Variants in C9 observed in about 807,000 individuals in gnomAD.
C9 encodes the protein complement component C9.
C9 carries 63 observed loss-of-function variants against 65.4 expected under a neutral mutation model. That is an observed-to-expected ratio of 0.96 (90% CI 0.79 to 1.19). The LOEUF (loss-of-function observed/expected upper bound fraction) is 1.19, where lower values mean the gene tolerates loss of function less well. Ranked by LOEUF, C9 falls within the 50% of genes most tolerant of loss-of-function variation. C9 has a pLI of 0.00. For synonymous variants in C9, 229 were observed against 227.9 expected (o/e 1.00, Z -0.04); for missense variants, 744 against 670.1 (o/e 1.11, Z -1.22).
At chr5:39,343,838 C>T (rs1001972114) in intron 1 of C9, among the ~76,000 whole-genome samples, 4 of 152,080 alleles carry the variant, frequency 2.6e-5, no homozygotes, top group South Asian at 2.1e-4. Context: ...TCCAGAGGAA[C>T]GATCAAGCAG....
intron 1 of C9, among the ~76,000 whole-genome samples, chr5:39,351,972 T>C (rs1251152752): frequency 6.6e-6 from 1 of 152,166 alleles, no homozygotes; most frequent in Non-Finnish European, 1.5e-5. Flanking sequence ...AAGAACTACC[T>C]GAGACTGGGT....
At chr5:39,337,289 T>C (rs368694763) in intron 4 of C9, among the ~76,000 whole-genome samples, 8 of 152,296 alleles carry the variant, frequency 5.3e-5, no homozygotes, top group African/African-American at 1.9e-4. Flanking sequence ...AGTTTGAAGG[T>C]TATTGTTTTA....
rs530392152 is a variant in C9 at position 39,285,498 on chromosome 5, C to T, written c.1646-265G>A. Among the ~76,000 whole-genome samples the T allele has an allele frequency of 9.9e-5, 15 of 152,074 alleles. No homozygotes were observed. In the South Asian group the frequency reaches 2.9e-3, roughly 29 times the overall value. The stretch of plus-strand genomic sequence containing the variant: ...AGGCAGCATAGATAGAGAACTGATT[C>T]CTGGAGAAATTGGAGAAGGTTTCAT... On this transcript the variant is annotated intron_variant, in intron 10 of 10. Transcript: ENST00000263408.
intron 6 of C9, among the ~76,000 whole-genome samples, chr5:39,313,597 C>T (rs778006247): frequency 6.6e-5 from 10 of 152,142 alleles, no homozygotes; most frequent in African/African-American, 2.4e-4. Context: ...AGCCTCCCAG[C>T]GATGCTGATG....
chr5:39,331,753 G>A lies in C9; in HGVS notation c.538C>T (p.Leu180Phe), dbSNP rs771650289. The A allele has an allele frequency of 1.2e-6, 2 of 1,612,698 alleles. No individual in the cohort carries two copies. Among genetic ancestry groups the A allele is most frequent in the Non-Finnish European group, 1.7e-6 (2 of 1,178,678 alleles). ...TTTCCATCCCGATCCCGGTTACAGA[G>A]TCCATTGTAGAACTCATTGTCAAAA... ...TPFDNEFYNG[L>F]CNRDRDGNTL... Residue 180 changes from leucine (L) to phenylalanine (F), a missense_variant, in exon 5 of 11, where the codon CTC becomes TTC. Transcript: ENST00000263408.
intron 9 of C9, 134 bp downstream of exon 9, chr5:39,306,483 T>G (rs934210794): frequency 4.0e-6 from 3 of 758,358 alleles, no homozygotes; most frequent in Non-Finnish European, 6.7e-6. Flanking sequence ...CCATGCCTCC[T>G]TTTGGGGAAG....
At chr5:39,323,600 A>C (rs1753700823) in intron 5 of C9, among the ~76,000 whole-genome samples, 1 of 151,666 alleles carries the variant, frequency 6.6e-6, no homozygotes, top group African/African-American at 2.4e-5. Context: ...TAGAAAAAGC[A>C]GTCAATAAAA....
chr5:39,342,388 G>T (rs1223998204), intron 1 of C9, among the ~76,000 whole-genome samples, 192 bp from the exon 2 acceptor site: 1 of 151,708 alleles, frequency 6.6e-6, no homozygotes, highest in Non-Finnish European at 1.5e-5. Flanking sequence ...GTTAATTCTT[G>T]TCTGTATTGT....
At chr5:39,339,011 T>C (rs570956536) in intron 4 of C9, among the ~76,000 whole-genome samples, 45 of 152,190 alleles carry the variant, frequency 3.0e-4, no homozygotes, top group Non-Finnish European at 6.0e-4. Context: ...TTTATTTAGA[T>C]TAAAAAGAAA....
In C9 at chr5:39,311,316, C is replaced by A. The variant is rs546890218; in HGVS notation, c.932G>T (p.Arg311Leu). ...AAAAGTTGTTGTGAGCACAACATCG[C>A]GATTTCTCATTACAAATCTTCCCAG... ...IHLGRFVMRN[R>L]DVVLTTTFVD... Residue 311 changes from arginine to leucine, a missense_variant, in exon 7 of 11, where the codon CGC (arginine) becomes CTC (leucine). Physicochemically the swap from Arg to Leu is moderately radical, Grantham distance 102. Transcript: ENST00000263408. 6.2e-7 allele frequency: 1 copy of A among 1,612,470 alleles called. No individual in the cohort carries two copies. Among genetic ancestry groups the A allele is most frequent in the South Asian group, 1.1e-5 (1 of 91,044 alleles).
intron 7 of C9, among the ~76,000 whole-genome samples, chr5:39,310,500 C>T (rs11959122): frequency 0.08 from 12,139 of 152,164 alleles, 669 homozygotes; most frequent in Middle Eastern, 0.16. Flanking sequence ...ATCAGTAGGC[C>T]TATCTTCTAC....
chr5:39,327,957 T>C (rs1390545655), intron 5 of C9, among the ~76,000 whole-genome samples: 1 of 152,188 alleles, frequency 6.6e-6, no homozygotes, highest in African/African-American at 2.4e-5. Context: ...TATGTTGAGA[T>C]AGCAAGTGTA....
intron 8 of C9, among the ~76,000 whole-genome samples, chr5:39,307,609 C>G (rs1753404887): frequency 6.6e-6 from 1 of 152,090 alleles, no homozygotes; most frequent in Admixed American, 6.6e-5. Flanking sequence ...GTTGACTCTT[C>G]CTTTAAAGGT....
chr5:39,341,189 T>TGTCTC lies in C9; in HGVS notation c.428_432dup (p.Arg145GlufsTer5). 1 of 1,614,228 alleles carries TGTCTC rather than the reference T, an allele frequency of 6.2e-7. No individual in the cohort carries two copies. The highest frequency in any genetic ancestry group is 8.5e-7 in the Non-Finnish European group (1 of 1,180,032). On this transcript the variant is annotated frameshift_variant, in exon 4 of 11. Transcript: ENST00000263408. LOFTEE classifies it high-confidence loss of function. ...GCCAGCTCAGACTCTTCTACCACTC[T>TGTCTC]GTCTCTGCAGGGGGGACGGGGCTCA...
At position 39,317,527 on chromosome 5, in the gene C9, T is replaced by A. The variant is rs191734532; in HGVS notation, c.616-1498A>T. On this transcript the variant is annotated intron_variant, in intron 5 of 10. Transcript: ENST00000263408. The stretch of plus-strand genomic sequence containing the variant: ...CTTGAGTTAATTTTTGTATAACATG[T>A]AACGAAGGGGTCCAGTTTCAATTGT... Among the ~76,000 whole-genome samples the A allele has an allele frequency of 3.0e-3, 461 of 152,334 alleles. 3 individuals carry two copies. The highest frequency in any genetic ancestry group is 4.5e-3 in the Non-Finnish European group (306 of 68,030).
intron 1 of C9, among the ~76,000 whole-genome samples, chr5:39,362,275 G>A (rs189099219): frequency 6.6e-6 from 1 of 152,144 alleles, no homozygotes; most frequent in Admixed American, 6.5e-5. Flanking sequence ...CGTTAGGGTG[G>A]GCCCTAATCC....
At chr5:39,349,373 A>G (rs1754276159) in intron 1 of C9, among the ~76,000 whole-genome samples, 1 of 152,180 alleles carries the variant, frequency 6.6e-6, no homozygotes, top group Non-Finnish European at 1.5e-5. Flanking sequence ...AAGCCAAGGA[A>G]TGAACAAATC....
intron 1 of C9, 62 bp from the exon 2 acceptor site, chr5:39,342,258 T>G (rs1754101289): frequency 1.1e-6 from 1 of 885,820 alleles, no homozygotes. Context: ...CCAAGAAGTC[T>G]TCATAAACAC....
rs116007913 is a variant in C9 at position 39,324,328 on chromosome 5, G to A, written c.615+7348C>T. Among the ~76,000 whole-genome samples the A allele has an allele frequency of 5.9e-3, 902 of 152,134 alleles. 6 individuals carry two copies. The highest frequency in any genetic ancestry group is 0.02 in the African/African-American group (850 of 41,512). Reference sequence around the variant, plus strand: ...AAAAGAACAATCCTAAATTTTGTATGGAACCACAGAAAATCTCGAATGGCC... The same window carrying A: ...AAAAGAACAATCCTAAATTTTGTATAGAACCACAGAAAATCTCGAATGGCC... On this transcript the variant is annotated intron_variant, in intron 5 of 10. Coordinates refer to ENST00000263408, the MANE Select transcript of C9 (RefSeq NM_001737.5).
Sources: allele counts gnomAD v4.1 joint callset (sites outside exome capture counted in the v4.1 genomes callset), GRCh38; gene constraint gnomAD v4.1.1; transcripts MANE v1.5; gene names NCBI Gene and HGNC (gene_info 2026-07-23, HGNC 2026-07-21).